The following DYTN variants were observed in gnomAD, a reference collection of about 807,000 sequenced individuals.
DYTN encodes dystrotelin.
In DYTN, 75 loss-of-function variants were observed where a neutral mutation model predicts 69.6. The observed-to-expected ratio is 1.08, with a 90% CI of 0.89 to 1.31. The LOEUF (loss-of-function observed/expected upper bound fraction) is 1.31. Among genes scored for constraint, DYTN ranks in the 50% most tolerant of loss-of-function variants. DYTN has a pLI of 0.00. For missense variants in DYTN, 726 were observed against 688.4 expected (o/e 1.05, Z -0.61); for synonymous variants, 252 against 249.1 (o/e 1.01, Z -0.11).
intron 4 of DYTN, among the ~76,000 whole-genome samples, chr2:206,705,566 C>A (rs779881369): frequency 1.3e-5 from 2 of 152,102 alleles, no homozygotes; most frequent in Non-Finnish European, 2.9e-5. Flanking sequence ...TCTAGGTAAT[C>A]CCTAAACAAA....
intron 5 of DYTN, 140 bp from the exon 6 acceptor site, chr2:206,700,356 C>A: frequency 2.3e-6 from 2 of 875,792 alleles, no homozygotes; most frequent in Non-Finnish European, 3.7e-6. Context: ...TGTCTCAATC[C>A]AAGAGAACAA....
chr2:206,706,844 C>T (rs1177481813), intron 3 of DYTN, among the ~76,000 whole-genome samples: 1 of 149,864 alleles, frequency 6.7e-6, no homozygotes, highest in Non-Finnish European at 1.5e-5. Flanking sequence ...TTGACATGGT[C>T]TACACTGGTT....
chr2:206,714,296 G>A lies in DYTN; in HGVS notation c.20-3698C>T, dbSNP rs565131999. On this transcript the variant is annotated intron_variant, in intron 1 of 11. Coordinates refer to ENST00000452335, the MANE Select transcript of DYTN (RefSeq NM_001093730.1). ...ATCTCGGCTCACTGCTCCACCTCCC[G>A]GGTTCATGCCAATCTCCTGCCTCAG... Among the ~76,000 whole-genome samples, 13 of 152,226 alleles carry A rather than the reference G, an allele frequency of 8.5e-5. No individual in the cohort carries two copies. The South Asian group carries it at 2.3e-3, about 27-fold the overall frequency.
intron 5 of DYTN, chr2:206,701,335 G>A (rs1330732617): frequency 6.6e-6 from 1 of 152,188 alleles, no homozygotes; most frequent in East Asian, 1.9e-4. Flanking sequence ...AAGAGACATC[G>A]GCACTCCCAT....
chr2:206,699,963 A>T lies in DYTN; in HGVS notation c.556-73T>A. On this transcript the variant is annotated intron_variant, in intron 6 of 11. Transcript: ENST00000452335. ...ATTTTCATTTTCTTTTCTGACTCTA[A>T]TTCTGTCAGTTCTGCTGAAGAAGTT... 3 of 1,564,028 alleles carry T rather than the reference A, an allele frequency of 1.9e-6. No individual in the cohort carries two copies. In the South Asian group the frequency reaches 3.7e-5, roughly 19 times the overall value.
At chr2:206,682,293 GTCTA>G (rs1476509310) in intron 9 of DYTN, among the ~76,000 whole-genome samples, 4 of 151,948 alleles carry the variant, frequency 2.6e-5, no homozygotes, top group African/African-American at 7.3e-5. Context: ...CTAGCCAGTG[GTCTA>G]TCTATTTTGT....
intron 1 of DYTN, among the ~76,000 whole-genome samples, chr2:206,717,043 A>AACACACACACACACACACACAC (rs71852382): frequency 1.4e-5 from 2 of 143,726 alleles, no homozygotes; most frequent in South Asian, 2.3e-4. Flanking sequence ...TGCCGATGCA[A>AACACACACACACACACACACAC]ACACACACAC....
At chr2:206,712,091 G>A (rs773303666) in intron 1 of DYTN, among the ~76,000 whole-genome samples, 1 of 152,100 alleles carries the variant, frequency 6.6e-6, no homozygotes, top group Non-Finnish European at 1.5e-5. Flanking sequence ...ACTGCTTATT[G>A]TTGGTATAAA....
chr2:206,709,662 C>T (rs1416419015), intron 2 of DYTN, among the ~76,000 whole-genome samples: 1 of 152,088 alleles, frequency 6.6e-6, no homozygotes, highest in Non-Finnish European at 1.5e-5. Flanking sequence ...CCCTATATAA[C>T]TTTTTAGGCA....
intron 11 of DYTN, 97 bp downstream of exon 11, chr2:206,662,806 A>G (rs1699527243): frequency 1.3e-6 from 2 of 1,503,796 alleles, no homozygotes; most frequent in East Asian, 2.3e-5. Flanking sequence ...TACATACTAG[A>G]TGAACTGGAG....
chr2:206,666,770 T>TG (rs1559306505), intron 9 of DYTN, among the ~76,000 whole-genome samples: 4 of 141,194 alleles, frequency 2.8e-5, no homozygotes, highest in African/African-American at 7.8e-5. Flanking sequence ...TGTGTGTGTG[T>TG]TATCTTAGTG....
At chr2:206,671,078 C>T (rs1421239542) in intron 9 of DYTN, among the ~76,000 whole-genome samples, 3 of 152,166 alleles carry the variant, frequency 2.0e-5, no homozygotes, top group Non-Finnish European at 4.4e-5. Flanking sequence ...TCTCTTACAT[C>T]ACACTCTGCG....
intron 11 of DYTN, among the ~76,000 whole-genome samples, chr2:206,658,420 A>G (rs1357901873): frequency 6.6e-6 from 1 of 151,816 alleles, no homozygotes. Context: ...TCTGTGCAAT[A>G]GAAAAAATAA....
rs151055853 is a variant in DYTN at position 206,665,237 on chromosome 2, T to C, written c.1140+633A>G. On this transcript the variant is annotated intron_variant, in intron 10 of 11. Transcript: ENST00000452335. ...TATTTAAAGAGATTTGTGGAAAATA[T>C]AGAGCAATGCCACTCTTCTAAGGTT... Among the ~76,000 whole-genome samples, 837 of 152,328 alleles carry C rather than the reference T, an allele frequency of 5.5e-3. 15 individuals carry two copies. The highest frequency in any genetic ancestry group is 0.019 in the African/African-American group (795 of 41,578).
chr2:206,701,504 G>A (rs1699976517), intron 5 of DYTN, among the ~76,000 whole-genome samples: 2 of 152,180 alleles, frequency 1.3e-5, no homozygotes, highest in South Asian at 4.1e-4. Context: ...AATGAACCTA[G>A]AGGACAATAT....
chr2:206,668,028 T>C (rs1286835248), intron 9 of DYTN, among the ~76,000 whole-genome samples: 1 of 151,908 alleles, frequency 6.6e-6, no homozygotes, highest in African/African-American at 2.4e-5. Flanking sequence ...GAAACAGGAG[T>C]CTGACTCTAA....
intron 1 of DYTN, among the ~76,000 whole-genome samples, chr2:206,712,816 C>T (rs1190130489): frequency 3.3e-5 from 5 of 152,234 alleles, no homozygotes; most frequent in African/African-American, 9.6e-5. Flanking sequence ...AGAGCACCGT[C>T]GCCTTCCCCA....
intron 9 of DYTN, among the ~76,000 whole-genome samples, chr2:206,682,835 G>A (rs1411995260): frequency 6.6e-6 from 1 of 152,038 alleles, no homozygotes; most frequent in African/African-American, 2.4e-5. Context: ...CTCGGTTGAT[G>A]GCAATCTTAT....
chr2:206,690,568 C>T lies in DYTN; in HGVS notation c.980+2607G>A, dbSNP rs149140944. Among the ~76,000 whole-genome samples, 51 of 152,216 alleles carry T rather than the reference C, an allele frequency of 3.4e-4. No individual in the cohort carries two copies. The East Asian group carries it at 5.2e-3, about 16-fold the overall frequency. On this transcript the variant is annotated intron_variant, in intron 9 of 11. Transcript: ENST00000452335. ...ATGTGACAATGTGGGAGAAAGGGAC[C>T]GCTGAGGTGGTGGCAGTAGAAATAA...
Sources: allele counts gnomAD v4.1 joint callset (sites outside exome capture counted in the v4.1 genomes callset), GRCh38; gene constraint gnomAD v4.1.1; transcripts MANE v1.5; gene names NCBI Gene and HGNC (gene_info 2026-07-23, HGNC 2026-07-21).